Variants in GPC5 observed in about 807,000 individuals in gnomAD.
GPC5 encodes the protein glypican-5.
A neutral mutation model predicts 53.9 loss-of-function variants in GPC5; 47 were observed. That is an observed-to-expected ratio of 0.87 (90% CI 0.69 to 1.11). The LOEUF is 1.11. Ranked by LOEUF, GPC5 falls within the 50% of genes most tolerant of loss-of-function variation. The probability of loss-of-function intolerance (pLI) is 0.00; values close to 1 mark genes in which losing one functional copy is unlikely to be tolerated. For synonymous variants in GPC5, 286 were observed against 263.3 expected (o/e 1.09, Z -0.84); for missense variants, 748 against 713.1 (o/e 1.05, Z -0.56).
At chr13:92,574,455 A>G (rs547087952) in intron 7 of GPC5, among the ~76,000 whole-genome samples, 1 of 152,330 alleles carries the variant, frequency 6.6e-6, no homozygotes, top group African/African-American at 2.4e-5. Flanking sequence ...TGTCTGGAAA[A>G]TAGTAATCTC....
chr13:91,891,704 A>C (rs761933167), intron 5 of GPC5, among the ~76,000 whole-genome samples: 4 of 152,186 alleles, frequency 2.6e-5, no homozygotes, highest in Non-Finnish European at 4.4e-5. Flanking sequence ...CGTTTCAAAT[A>C]AGTCATAAAA....
chr13:91,789,936 A>G (rs1360942771), intron 5 of GPC5, among the ~76,000 whole-genome samples: 1 of 152,200 alleles, frequency 6.6e-6, no homozygotes, highest in Non-Finnish European at 1.5e-5. Context: ...AGGGCAAAAC[A>G]CAAGATACAA....
intron 7 of GPC5, among the ~76,000 whole-genome samples, chr13:92,418,735 TAGAC>T (rs1223320882): frequency 1.3e-5 from 2 of 152,186 alleles, no homozygotes; most frequent in South Asian, 2.1e-4. Flanking sequence ...GCAAGAAAAT[TAGAC>T]AGATCAAAAT....
At chr13:92,171,694 G>T (rs1025302562) in intron 7 of GPC5, among the ~76,000 whole-genome samples, 1 of 152,054 alleles carries the variant, frequency 6.6e-6, no homozygotes, top group Non-Finnish European at 1.5e-5. Context: ...ATCCTATTAG[G>T]TCCTTTCACT....
intron 1 of GPC5, among the ~76,000 whole-genome samples, chr13:91,420,796 C>G (rs111960547): frequency 1.3e-5 from 2 of 152,192 alleles, no homozygotes. Flanking sequence ...TCACTCTTCT[C>G]TCTCTGGTTG....
At chr13:92,828,704 C>T (rs961282125) in intron 7 of GPC5, among the ~76,000 whole-genome samples, 6 of 152,094 alleles carry the variant, frequency 3.9e-5, no homozygotes, top group African/African-American at 1.2e-4. Context: ...TGAGGAGGAT[C>T]ACAGGGTTCT....
At chr13:92,348,139 C>G (rs1594120775) in intron 7 of GPC5, among the ~76,000 whole-genome samples, 1 of 148,138 alleles carries the variant, frequency 6.8e-6, no homozygotes, top group African/African-American at 2.5e-5. Flanking sequence ...CAATAATTAC[C>G]TTGAATATAA....
At chr13:92,784,241 A>G (rs1182738716) in intron 7 of GPC5, among the ~76,000 whole-genome samples, 3 of 152,152 alleles carry the variant, frequency 2.0e-5, no homozygotes, top group Non-Finnish European at 4.4e-5. Flanking sequence ...TACAGTATTA[A>G]TTTTACCATA....
At chr13:92,440,697 T>C (rs1435681333) in intron 7 of GPC5, among the ~76,000 whole-genome samples, 1 of 152,186 alleles carries the variant, frequency 6.6e-6, no homozygotes, top group Non-Finnish European at 1.5e-5. Flanking sequence ...CAGTGGCTGT[T>C]CTAGTTTACA....
At chr13:91,818,306 C>T (rs1407003198) in intron 5 of GPC5, among the ~76,000 whole-genome samples, 1 of 152,152 alleles carries the variant, frequency 6.6e-6, no homozygotes, top group Non-Finnish European at 1.5e-5. Flanking sequence ...TCCACTTTCA[C>T]CAAATCAGAC....
chr13:92,708,318 T>G (rs1345042745), intron 7 of GPC5, among the ~76,000 whole-genome samples: 1 of 152,192 alleles, frequency 6.6e-6, no homozygotes, highest in Non-Finnish European at 1.5e-5. Context: ...CAGTGTACTT[T>G]AAGTTATACT....
chr13:91,897,949 C>A (rs1251280813), intron 5 of GPC5, among the ~76,000 whole-genome samples: 6 of 151,820 alleles, frequency 4.0e-5, no homozygotes, highest in African/African-American at 1.5e-4. Context: ...AGTGTATTTC[C>A]CAGAAAATAT....
In GPC5 at chr13:92,398,163, T is replaced by C. The variant is rs971296920; in HGVS notation, c.1561+253174T>C. 4.1e-4 allele frequency among the ~76,000 whole-genome samples: 63 copies of C among 152,004 alleles called. 1 individual carries two copies. The highest frequency in any genetic ancestry group is 7.5e-4 in the Non-Finnish European group (51 of 68,002). ...AATTTATTTTAAAAAATTATTCCAC[T>C]CCACGCCTGTAATCCCAGCACTTTG... On this transcript the variant is annotated intron_variant, in intron 7 of 7. Coordinates refer to ENST00000377067, the MANE Select transcript of GPC5 (RefSeq NM_004466.6).
chr13:92,351,571 A>G (rs2139268022), intron 7 of GPC5, among the ~76,000 whole-genome samples: 1 of 152,178 alleles, frequency 6.6e-6, no homozygotes. Context: ...TTATTTTTCC[A>G]TATGATGTTA....
chr13:92,039,107 C>G (rs577818316), intron 6 of GPC5, among the ~76,000 whole-genome samples: 4 of 152,230 alleles, frequency 2.6e-5, no homozygotes, highest in African/African-American at 9.6e-5. Context: ...GGAGTAAAGC[C>G]AGACTGCAGT....
intron 5 of GPC5, among the ~76,000 whole-genome samples, chr13:91,837,612 T>C (rs1055799673): frequency 3.3e-5 from 5 of 152,196 alleles, no homozygotes; most frequent in African/African-American, 9.6e-5. Context: ...AAATACCACA[T>C]GGAGTTGTGT....
chr13:92,293,633 T>A (rs528012556), intron 7 of GPC5, among the ~76,000 whole-genome samples: 1 of 152,194 alleles, frequency 6.6e-6, no homozygotes, highest in South Asian at 2.1e-4. Context: ...GATCATATTG[T>A]CAGCAAACAG....
At chr13:91,403,674 C>T (rs1339208516) in intron 1 of GPC5, among the ~76,000 whole-genome samples, 2 of 152,180 alleles carry the variant, frequency 1.3e-5, no homozygotes, top group Non-Finnish European at 2.9e-5. Flanking sequence ...AGTTCCACTT[C>T]CAGGACAGTT....
intron 1 of GPC5, among the ~76,000 whole-genome samples, chr13:91,427,047 G>C (rs1305456096): frequency 1.3e-5 from 2 of 152,214 alleles, no homozygotes; most frequent in Admixed American, 6.5e-5. Context: ...GATTTCAGGA[G>C]CTGTATGGAA....
Sources: gnomAD v4.1 joint callset for allele counts (sites outside exome capture counted in the v4.1 genomes callset) on GRCh38, gnomAD v4.1.1 for gene constraint, MANE v1.5 for transcripts, NCBI Gene and HGNC (gene_info 2026-07-23, HGNC 2026-07-21) for gene names.